The following AKT3 variants were observed in gnomAD, a reference collection of about 807,000 sequenced individuals.
The protein encoded by AKT3 is AKT serine/threonine kinase 3.
In AKT3, 15 loss-of-function variants were observed where a neutral mutation model predicts 65.3. That is an observed-to-expected ratio of 0.23 (90% confidence interval 0.15 to 0.35). AKT3 has a LOEUF of 0.35. Ranked by LOEUF, AKT3 falls within the 10% of genes least tolerant of loss-of-function variation. The pLI is 1.00. For synonymous variants in AKT3, 206 were observed against 183.8 expected, an observed-to-expected ratio of 1.12 and a Z score of -0.98; for missense variants, 243 against 576.5, an observed-to-expected ratio of 0.42 and a Z score of 5.92.
intron 3 of AKT3, among the ~76,000 whole-genome samples, chr1:243,686,494 A>G (rs1259503724): frequency 6.6e-6 from 1 of 151,244 alleles, no homozygotes; most frequent in African/African-American, 2.4e-5. Flanking sequence ...AGCTCAGTAA[A>G]GTGGTTTCCT....
At chr1:243,666,653 C>T (rs1041981522) in intron 3 of AKT3, among the ~76,000 whole-genome samples, 14 of 152,142 alleles carry the variant, frequency 9.2e-5, no homozygotes, top group Non-Finnish European at 1.5e-4. Context: ...AGGTGCTCCT[C>T]GACTTATGAC....
At chr1:243,731,936 T>G (rs1687595721) in intron 2 of AKT3, among the ~76,000 whole-genome samples, 1 of 152,214 alleles carries the variant, frequency 6.6e-6, no homozygotes, top group African/African-American at 2.4e-5. Flanking sequence ...GGTTTTTCCT[T>G]TCTTCCTAAT....
chr1:243,833,903 AT>A (rs539435385), intron 2 of AKT3, among the ~76,000 whole-genome samples: 33 of 152,144 alleles, frequency 2.2e-4, no homozygotes, highest in Non-Finnish European at 3.4e-4. Context: ...CTATAAAAAA[AT>A]AATTTAAAAA....
chr1:243,747,035 G>A (rs1304939457), intron 2 of AKT3, among the ~76,000 whole-genome samples: 2 of 152,102 alleles, frequency 1.3e-5, no homozygotes, highest in Non-Finnish European at 2.9e-5. Flanking sequence ...GGGAGGATGG[G>A]AGCCCCTAAA....
chr1:243,634,095 C>T (rs983561585), intron 6 of AKT3, among the ~76,000 whole-genome samples: 1 of 152,048 alleles, frequency 6.6e-6, no homozygotes, highest in African/African-American at 2.4e-5. Context: ...CACAAATGCT[C>T]ACTTCCCTAG....
chr1:243,549,524 G>A (rs535749308), intron 11 of AKT3, among the ~76,000 whole-genome samples: 1 of 152,186 alleles, frequency 6.6e-6, no homozygotes, highest in South Asian at 2.1e-4. Flanking sequence ...GACCTCCTGG[G>A]CTCCAGCGAT....
At chr1:243,594,819 G>A (rs1027433017) in intron 8 of AKT3, among the ~76,000 whole-genome samples, 4 of 152,046 alleles carry the variant, frequency 2.6e-5, no homozygotes, top group African/African-American at 7.2e-5. Flanking sequence ...GACATAAGTG[G>A]TCTTCCTGCC....
chr1:243,553,374 TAAG>T (rs1226038849), intron 10 of AKT3, among the ~76,000 whole-genome samples: 1 of 152,190 alleles, frequency 6.6e-6, no homozygotes, highest in Non-Finnish European at 1.5e-5. Flanking sequence ...ATTCTTGCCT[TAAG>T]AAGAACTAAG....
chr1:243,591,523 C>T (rs979557096), intron 8 of AKT3, among the ~76,000 whole-genome samples: 4 of 151,668 alleles, frequency 2.6e-5, no homozygotes, highest in Non-Finnish European at 5.9e-5. Flanking sequence ...AAAAAATTAA[C>T]GGACATAAAA....
chr1:243,753,372 C>T (rs1545655), intron 2 of AKT3, among the ~76,000 whole-genome samples: 10 of 152,142 alleles, frequency 6.6e-5, no homozygotes, highest in Admixed American at 2.0e-4. Flanking sequence ...AACCTAAAAG[C>T]GTACGATTTT....
At chr1:243,625,894 G>A (rs1030570267) in intron 6 of AKT3, among the ~76,000 whole-genome samples, 1 of 152,162 alleles carries the variant, frequency 6.6e-6, no homozygotes, top group Non-Finnish European at 1.5e-5. Context: ...TAAAGGGACA[G>A]CTAGTCTGGT....
chr1:243,492,681 T>C (rs1162833301), intron 13 of AKT3, among the ~76,000 whole-genome samples: 2 of 133,724 alleles, frequency 1.5e-5, no homozygotes, highest in Admixed American at 8.1e-5. Flanking sequence ...GGTCTTGGCC[T>C]ACTGCAACCT....
At chr1:243,832,352 C>T (rs551209853) in intron 2 of AKT3, among the ~76,000 whole-genome samples, 1 of 152,100 alleles carries the variant, frequency 6.6e-6, no homozygotes, top group African/African-American at 2.4e-5. Flanking sequence ...CAAACTTCTT[C>T]TCCTCATAAT....
At chr1:243,643,099 G>A (rs963742241) in intron 5 of AKT3, among the ~76,000 whole-genome samples, 9 of 152,274 alleles carry the variant, frequency 5.9e-5, no homozygotes, top group African/African-American at 1.7e-4. Context: ...CATTGGTTAC[G>A]TCGCTTCTCC....
At chr1:243,535,924 G>C (rs1671894359) in intron 12 of AKT3, among the ~76,000 whole-genome samples, 1 of 151,954 alleles carries the variant, frequency 6.6e-6, no homozygotes, top group East Asian at 1.9e-4. Flanking sequence ...TTCTGATTGG[G>C]GTAAAATGGT....
rs1356764115 is a variant in AKT3 at position 243,693,250 on chromosome 1, A to T, written c.172+2341T>A. Reference sequence around the variant, plus strand: ...CTTTGGTAGCTACAATTTGATATATATATATATATATATATATATATATAT... The same window carrying T: ...CTTTGGTAGCTACAATTTGATATATTTATATATATATATATATATATATAT... On this transcript the variant is annotated intron_variant, in intron 3 of 13. Coordinates refer to ENST00000673466, the MANE Select transcript of AKT3 (RefSeq NM_005465.7). Among the ~76,000 whole-genome samples, 8 of 37,782 alleles carry T rather than the reference A, an allele frequency of 2.1e-4. No homozygotes were observed. The East Asian group carries it at 5.6e-3, about 26-fold the overall frequency. 24.8% of individuals were successfully genotyped at this position (37,782 alleles called of 152,430 possible). A position where few individuals can be genotyped will look rare whatever the true frequency, so the allele number is the denominator to read the frequency against.
chr1:243,702,936 C>A (rs1305460077), intron 2 of AKT3: 1 of 152,090 alleles, frequency 6.6e-6, no homozygotes, highest in Non-Finnish European at 1.5e-5. Flanking sequence ...TTTCAAAGAG[C>A]AGCTTTAAAC....
chr1:243,577,174 T>G (rs1675002145), intron 8 of AKT3, among the ~76,000 whole-genome samples: 2 of 152,028 alleles, frequency 1.3e-5, no homozygotes, highest in South Asian at 4.1e-4. Flanking sequence ...TGAGACAGAG[T>G]CTCACTCTGT....
chr1:243,719,620 C>T (rs963514754), intron 2 of AKT3, among the ~76,000 whole-genome samples: 2 of 152,154 alleles, frequency 1.3e-5, no homozygotes, highest in Non-Finnish European at 2.9e-5. Context: ...TTGTTTCTGG[C>T]TCATGTAAGG....
Sources: gnomAD v4.1 joint callset for allele counts (sites outside exome capture counted in the v4.1 genomes callset) on GRCh38, gnomAD v4.1.1 for gene constraint, MANE v1.5 for transcripts, NCBI Gene and HGNC (gene_info 2026-07-23, HGNC 2026-07-21) for gene names.